Variants in SPMIP3 observed in about 807,000 individuals in gnomAD.
SPMIP3 encodes sperm microtubule inner protein 3, also known as protein SPMIP3.
the SPMIP3 span, among the ~76,000 whole-genome samples, chr1:244,373,481 C>T: frequency 1.3e-5 from 2 of 150,726 alleles, 1 homozygote; most frequent in Non-Finnish European, 3.0e-5. Context: ...GCCTGGGCAA[C>T]AGTGAGACTC....
chr1:244,378,729 G>C, the SPMIP3 span: 2 of 1,399,506 alleles, frequency 1.4e-6, no homozygotes, highest in African/African-American at 2.9e-5. Context: ...GTCTCAGGGA[G>C]CCTGTTTGGG....
chr1:244,378,757 C>CAT, the SPMIP3 span: 1 of 1,118,358 alleles, frequency 8.9e-7, no homozygotes, highest in Non-Finnish European at 1.3e-6. Context: ...GAGTTGGAGG[C>CAT]ATGGATATGT....
At chr1:244,387,706 A>AG in the SPMIP3 span, among the ~76,000 whole-genome samples, 1 of 152,192 alleles carries the variant, frequency 6.6e-6, no homozygotes, top group Non-Finnish European at 1.5e-5. Flanking sequence ...GTTGGATTAC[A>AG]GCAGGAGTGT....
the SPMIP3 span, among the ~76,000 whole-genome samples, chr1:244,360,557 C>CACAT: frequency 1.2e-3 from 68 of 56,072 alleles, 1 homozygote; most frequent in African/African-American, 4.6e-3. Flanking sequence ...CACACACACA[C>CACAT]ATGCATGCAT....
At chr1:244,365,455 A>T in the SPMIP3 span, among the ~76,000 whole-genome samples, 1 of 152,158 alleles carries the variant, frequency 6.6e-6, no homozygotes, top group African/African-American at 2.4e-5. Context: ...GCCTGCCGCC[A>T]TGGAAGACAT....
the SPMIP3 span, chr1:244,375,298 C>T: frequency 2.1e-5 from 25 of 1,218,740 alleles, no homozygotes; most frequent in East Asian, 4.7e-5. Flanking sequence ...TGTATTATGC[C>T]GCAGCTGGCA....
the SPMIP3 span, among the ~76,000 whole-genome samples, chr1:244,380,544 G>A: frequency 6.6e-6 from 1 of 152,100 alleles, no homozygotes; most frequent in Non-Finnish European, 1.5e-5. Context: ...TTTACTGTAG[G>A]AAAAGCCAAG....
chr1:244,369,069 G>A, the SPMIP3 span, among the ~76,000 whole-genome samples: 1 of 152,282 alleles, frequency 6.6e-6, no homozygotes, highest in South Asian at 2.1e-4. Context: ...TGAGGCAGGA[G>A]AATTGCTTGA....
the SPMIP3 span, among the ~76,000 whole-genome samples, chr1:244,355,481 G>A: frequency 1.3e-5 from 2 of 151,438 alleles, no homozygotes; most frequent in African/African-American, 2.4e-5. Flanking sequence ...TCTGCCTCCC[G>A]GGTTCAAGCG....
the SPMIP3 span, among the ~76,000 whole-genome samples, chr1:244,357,516 C>T: frequency 6.6e-6 from 1 of 151,820 alleles, no homozygotes; most frequent in Non-Finnish European, 1.5e-5. Context: ...GGGGACCAGC[C>T]TGACAAACAT....
At chr1:244,373,517 C>G in the SPMIP3 span, among the ~76,000 whole-genome samples, 2 of 150,336 alleles carry the variant, frequency 1.3e-5, no homozygotes, top group African/African-American at 4.9e-5. Flanking sequence ...ACAAAACAAA[C>G]AACAGCAAAC....
At chr1:244,366,376 A>G in the SPMIP3 span, among the ~76,000 whole-genome samples, 1 of 152,196 alleles carries the variant, frequency 6.6e-6, no homozygotes, top group Admixed American at 6.5e-5. Flanking sequence ...TATGTTGCCC[A>G]GACTGTCTGG....
the SPMIP3 span, among the ~76,000 whole-genome samples, chr1:244,370,420 T>C: frequency 2.6e-5 from 4 of 152,188 alleles, no homozygotes; most frequent in Non-Finnish European, 5.9e-5. Context: ...CCCCTGAGCC[T>C]CAGTTTCTTA....
chr1:244,372,605 G>T, the SPMIP3 span, among the ~76,000 whole-genome samples: 1 of 151,910 alleles, frequency 6.6e-6, no homozygotes, highest in Admixed American at 6.6e-5. Context: ...CACCACACCT[G>T]GCTAATTTTT....
At chr1:244,382,267 G>A in the SPMIP3 span, among the ~76,000 whole-genome samples, 1 of 151,920 alleles carries the variant, frequency 6.6e-6, no homozygotes, top group East Asian at 1.9e-4. Flanking sequence ...TGGGAAATAA[G>A]CAGGGAGATG....
the SPMIP3 span, among the ~76,000 whole-genome samples, chr1:244,386,572 A>G: frequency 6.6e-6 from 1 of 152,194 alleles, no homozygotes; most frequent in African/African-American, 2.4e-5. Flanking sequence ...AATTCCTCAC[A>G]CTTCTAAATT....
the SPMIP3 span, among the ~76,000 whole-genome samples, chr1:244,385,109 T>C: frequency 6.6e-6 from 1 of 152,104 alleles, no homozygotes; most frequent in African/African-American, 2.4e-5. Flanking sequence ...ACCATCATGG[T>C]CTCGAACTCC....
chr1:244,383,203 C>T, the SPMIP3 span, among the ~76,000 whole-genome samples: 6,414 of 152,170 alleles, frequency 0.042, 218 homozygotes, highest in Admixed American at 0.11. Context: ...CAAAAATAGA[C>T]ACAAGATTTC....
the SPMIP3 span, among the ~76,000 whole-genome samples, chr1:244,360,493 TAAAG>T: frequency 1.4e-4 from 20 of 146,678 alleles, no homozygotes; most frequent in African/African-American, 5.1e-4. Flanking sequence ...GATGAATGGA[TAAAG>T]AAAACGTGAT....
Sources: gnomAD v4.1 joint callset for allele counts (sites outside exome capture counted in the v4.1 genomes callset) on GRCh38, gnomAD v4.1.1 for gene constraint, MANE v1.5 for transcripts, NCBI Gene and HGNC (gene_info 2026-07-23, HGNC 2026-07-21) for gene names.